The following SLC2A5 variants were observed in gnomAD, a reference collection of about 807,000 sequenced individuals.
SLC2A5 encodes solute carrier family 2 member 5, also known as solute carrier family 2, facilitated glucose transporter member 5.
In SLC2A5, 56 loss-of-function variants were observed where a neutral mutation model predicts 50.3. That is an observed-to-expected ratio of 1.11 (90% CI 0.90 to 1.39). The LOEUF (loss-of-function observed/expected upper bound fraction) is 1.39, where lower values mean the gene tolerates loss of function less well. Among genes scored for constraint, SLC2A5 ranks in the 40% most tolerant of loss-of-function variants. SLC2A5 has a pLI of 0.00. For synonymous variants in SLC2A5, 269 were observed against 281.9 expected, an observed-to-expected ratio of 0.95 and a Z score of 0.46; for missense variants, 566 against 650.1, an observed-to-expected ratio of 0.87 and a Z score of 1.41.
At chr1:9,061,652 A>G (rs1557677395) in intron 1 of SLC2A5, among the ~76,000 whole-genome samples, 1 of 152,172 alleles carries the variant, frequency 6.6e-6, no homozygotes, top group Non-Finnish European at 1.5e-5. Context: ...GTAAGACGAA[A>G]GTGCAACCAG....
chr1:9,038,290 C>A, intron 10 of SLC2A5, 141 bp downstream of exon 10: 1 of 718,898 alleles, frequency 1.4e-6, no homozygotes. Context: ...TATGTGCCAC[C>A]CACCCCCTTG....
chr1:9,063,940 C>A (rs1642015772), intron 1 of SLC2A5, among the ~76,000 whole-genome samples: 1 of 130,946 alleles, frequency 7.6e-6, no homozygotes, highest in Non-Finnish European at 1.6e-5. Flanking sequence ...CGTGATCCGC[C>A]CGCCTCGGCC....
chr1:9,054,136 G>A (rs908024510), intron 3 of SLC2A5, among the ~76,000 whole-genome samples: 4 of 152,168 alleles, frequency 2.6e-5, no homozygotes, highest in East Asian at 1.9e-4. Flanking sequence ...TCAAAGACAC[G>A]GAGGAACTTC....
At chr1:9,069,230 G>A (rs1456446537) in intron 1 of SLC2A5, among the ~76,000 whole-genome samples, 1 of 152,234 alleles carries the variant, frequency 6.6e-6, no homozygotes, top group Non-Finnish European at 1.5e-5. Flanking sequence ...TGGGACAAAT[G>A]AATCCTTTGG....
At chr1:9,080,925 C>T (rs1642344082) in intron 2 of SLC2A5, among the ~76,000 whole-genome samples, 1 of 152,150 alleles carries the variant, frequency 6.6e-6, no homozygotes. Context: ...TCAATTATTT[C>T]AGGTTGCCAA....
At chr1:9,087,297 C>T (rs541824173) in intron 1 of SLC2A5, among the ~76,000 whole-genome samples, 7 of 151,924 alleles carry the variant, frequency 4.6e-5, no homozygotes, top group African/African-American at 1.2e-4. Context: ...CTCCGCCTCC[C>T]GGGTTCTCGC....
chr1:9,066,639 A>G (rs928291865), intron 1 of SLC2A5, among the ~76,000 whole-genome samples: 2 of 151,966 alleles, frequency 1.3e-5, no homozygotes, highest in African/African-American at 2.4e-5. Context: ...TCCTGGCAGA[A>G]AGTCCTTGGT....
intron 1 of SLC2A5, among the ~76,000 whole-genome samples, chr1:9,060,353 A>C (rs554239212): frequency 8.8e-6 from 1 of 113,132 alleles, no homozygotes; most frequent in East Asian, 3.1e-4. Flanking sequence ...CGCCCCCCAA[A>C]TGTACACACA....
intron 3 of SLC2A5, among the ~76,000 whole-genome samples, chr1:9,048,948 C>T (rs1420648392): frequency 3.3e-5 from 5 of 152,140 alleles, no homozygotes; most frequent in African/African-American, 1.2e-4. Context: ...TGAGCCACTG[C>T]GCCCAGCCAT....
chr1:9,064,395 G>A (rs562834000), intron 1 of SLC2A5, among the ~76,000 whole-genome samples: 2 of 152,110 alleles, frequency 1.3e-5, no homozygotes, highest in Non-Finnish European at 2.9e-5. Flanking sequence ...CCGTGACCGG[G>A]AGGGTCTCTC....
intron 2 of SLC2A5, among the ~76,000 whole-genome samples, chr1:9,081,509 G>C (rs1237683297): frequency 7.4e-6 from 1 of 134,626 alleles, no homozygotes; most frequent in African/African-American, 2.7e-5. Context: ...CAAGAGACTA[G>C]AAGAAAAATT....
intron 3 of SLC2A5, among the ~76,000 whole-genome samples, chr1:9,053,385 T>TA (rs1641658860): frequency 3.7e-5 from 2 of 54,130 alleles, no homozygotes; most frequent in African/African-American, 7.7e-5. Context: ...TTATATATAT[T>TA]TATATATATT....
intron 3 of SLC2A5, among the ~76,000 whole-genome samples, chr1:9,053,065 T>TTTATATATTAATATATAA (rs1641621159): frequency 1.3e-5 from 1 of 79,788 alleles, no homozygotes; most frequent in Non-Finnish European, 2.3e-5. Flanking sequence ...ATAATATATA[T>TTTATATATTAATATATAA]TATATATTTA....
upstream of SLC2A5, among the ~76,000 whole-genome samples, chr1:9,093,442 T>C (rs1028397602): frequency 6.6e-6 from 1 of 151,894 alleles, no homozygotes; most frequent in Non-Finnish European, 1.5e-5. Flanking sequence ...GGAGGAGGAG[T>C]GCACATAAGC....
intron 1 of SLC2A5, among the ~76,000 whole-genome samples, chr1:9,068,780 C>T (rs1446062610): frequency 6.6e-6 from 1 of 152,208 alleles, no homozygotes; most frequent in Non-Finnish European, 1.5e-5. Context: ...GTCTCACATC[C>T]ATGCCTGAAC....
chr1:9,037,624 C>T lies in SLC2A5; in HGVS notation c.1468G>A (p.Glu490Lys), dbSNP rs751784156. The T allele has an allele frequency of 6.2e-7, 1 of 1,614,152 alleles. No individual in the cohort carries two copies. Among genetic ancestry groups the T allele is most frequent in the Non-Finnish European group, 8.5e-7 (1 of 1,180,034 alleles). The change falls in exon 12 of 12, where the codon GAA becomes AAA. Residue 490 changes from glutamate to lysine, a missense_variant. Physicochemically the swap from Glu to Lys is moderately conservative, Grantham distance 56 (BLOSUM62 1). Coordinates refer to ENST00000377424, the MANE Select transcript of SLC2A5 (RefSeq NM_003039.3). ...KVSEVYPEKE[E>K]LKELPPVTSE... ...GTGACAGGTGGAAGCTCTTTCAGTT[C>T]CTCCTTTTCCGGGTACACTTCAGAC...
At chr1:9,042,052 A>C (rs1641319056) in intron 4 of SLC2A5, 115 bp from the exon 5 acceptor site, 9 of 1,378,836 alleles carry the variant, frequency 6.5e-6, no homozygotes, top group Non-Finnish European at 8.6e-6. Flanking sequence ...CTCTCTCAAA[A>C]CTGCAAAGGA....
intron 5 of SLC2A5, chr1:9,041,335 G>A: frequency 1.0e-5 from 6 of 596,544 alleles, no homozygotes; most frequent in Non-Finnish European, 1.5e-5. Context: ...CATGGGGCCA[G>A]GCCACCCTCA....
At position 9,069,491 on chromosome 1, in the gene SLC2A5, G is replaced by A. The variant is rs760489951; in HGVS notation, c.33+13C>T. 6.8e-6 allele frequency: 11 copies of A among 1,613,754 alleles called. No individual in the cohort carries two copies. Among genetic ancestry groups the A allele is most frequent in the Non-Finnish European group, 9.3e-6 (11 of 1,179,912 alleles). Reference sequence around the variant, plus strand: ...GCCTGCTCTTGGCCCCTTTCCCTGAGCAACACACTCACCCCTTCCTTCATG... The same window carrying A: ...GCCTGCTCTTGGCCCCTTTCCCTGAACAACACACTCACCCCTTCCTTCATG... On this transcript the variant is annotated intron_variant, in intron 1 of 11. Coordinates refer to ENST00000377424, the MANE Select transcript of SLC2A5 (RefSeq NM_003039.3).
Sources: gnomAD v4.1 joint callset for allele counts (sites outside exome capture counted in the v4.1 genomes callset) on GRCh38, gnomAD v4.1.1 for gene constraint, MANE v1.5 for transcripts, NCBI Gene and HGNC (gene_info 2026-07-23, HGNC 2026-07-21) for gene names.